The following EML1 variants were observed in gnomAD, a reference collection of about 807,000 sequenced individuals.
EML1 encodes echinoderm microtubule-associated protein-like 1.
Under a neutral mutation model 110.4 loss-of-function variants are expected in EML1, and 27 were observed. That is an observed-to-expected ratio of 0.24 (90% CI 0.18 to 0.34). The LOEUF (loss-of-function observed/expected upper bound fraction) is 0.34, where lower values mean the gene tolerates loss of function less well. EML1 is among the 10% of genes least tolerant of loss of function. EML1 has a pLI of 1.00. For synonymous variants in EML1, 344 were observed against 385.8 expected, an observed-to-expected ratio of 0.89 and a Z score of 1.27; for missense variants, 741 against 1,030.9, an observed-to-expected ratio of 0.72 and a Z score of 3.85.
At chr14:99,773,016 G>A (rs2057442455) in exon 1 of EML1, 1 of 152,166 alleles carries the variant, frequency 6.6e-6, no homozygotes, top group Non-Finnish European at 1.5e-5. Context: ...CATCCCCACA[G>A]ATAGGTTCCT....
chr14:99,860,694 A>G (rs540328183), intron 2 of EML1, among the ~76,000 whole-genome samples: 95 of 152,196 alleles, frequency 6.2e-4, no homozygotes, highest in Non-Finnish European at 1.3e-3. Context: ...GGTTACAAAA[A>G]CCCAAGGATG....
chr14:99,850,553 G>T (rs1216341253), intron 1 of EML1, among the ~76,000 whole-genome samples: 1 of 152,098 alleles, frequency 6.6e-6, no homozygotes, highest in East Asian at 1.9e-4. Flanking sequence ...CACTGCTAAG[G>T]TTCTCCGGTA....
rs755251254 is a variant in EML1, at chr14:99,936,321, C to A, written c.2082C>A (p.Tyr694Ter). The A allele has an allele frequency of 1.2e-6, 2 of 1,613,268 alleles. No homozygotes were observed. The highest frequency in any genetic ancestry group is 1.7e-6 in the Non-Finnish European group (2 of 1,179,950). ...TCCTCGTGTCAAATTCCGGAGACTA[C>A]GAAATCCTCTACTGTGAGTACCACC... ...SQFLVSNSGDYEILYWVPSAC... is the reference protein window; with the variant it reads ...SQFLVSNSGD The change falls in exon 19 of 22, where the codon TAC (tyrosine) becomes TAA (stop). Residue 694 changes from tyrosine (Y) to a stop codon, truncating the protein, a stop_gained. Transcript: ENST00000262233. LOFTEE classifies it high-confidence loss of function. This position sits in a 1 kb window ranked among gnomAD's most constrained non-coding sequence, Gnocchi z 5.5.
intron 17 of EML1, among the ~76,000 whole-genome samples, chr14:99,934,919 T>C (rs2060440907): frequency 6.6e-6 from 1 of 152,144 alleles, no homozygotes; most frequent in African/African-American, 2.4e-5. Context: ...CACACAAGCA[T>C]CGCAGCCTGG....
chr14:99,766,945 C>T (rs191082308), intron 1 of EML1, among the ~76,000 whole-genome samples: 34 of 152,246 alleles, frequency 2.2e-4, no homozygotes, highest in Admixed American at 1.2e-3. Flanking sequence ...GGAGTGTTGG[C>T]TTTGAAAATG....
At chr14:99,777,716 G>A (rs192188237) in intron 1 of EML1, among the ~76,000 whole-genome samples, 10 of 152,282 alleles carry the variant, frequency 6.6e-5, no homozygotes, top group Admixed American at 3.9e-4. Context: ...CACCACGCCC[G>A]CTGCCTTTAC....
chr14:99,898,981 T>C (rs2059716149), intron 8 of EML1, among the ~76,000 whole-genome samples: 1 of 152,220 alleles, frequency 6.6e-6, no homozygotes, highest in Non-Finnish European at 1.5e-5. Flanking sequence ...CCCTCTGCCC[T>C]GTCCTGTGAA....
At position 99,843,860 on chromosome 14, in the gene EML1, T is replaced by G. The variant is rs530595957; in HGVS notation, c.68-6993T>G. 1.2e-4 allele frequency among the ~76,000 whole-genome samples: 19 copies of G among 152,318 alleles called. 1 individual carries two copies. In the South Asian group the frequency reaches 3.9e-3, roughly 32 times the overall value. ...GTTACACCAACCTGACTCTGCCTTC[T>G]TTTATTCACACATTAGAAGATTTCA... On this transcript the variant is annotated intron_variant, in intron 1 of 21. Coordinates refer to ENST00000262233, the MANE Select transcript of EML1 (RefSeq NM_004434.3).
intron 3 of EML1, chr14:99,874,988 G>A: frequency 6.2e-7 from 1 of 1,613,314 alleles, no homozygotes; most frequent in East Asian, 2.2e-5. Flanking sequence ...CGACACCAAG[G>A]TGAGGGGAAC....
rs752157797 is a variant in EML1, at chr14:99,910,215, A to G, written c.1240-27A>G. The G allele has an allele frequency of 2.3e-5, 34 of 1,449,396 alleles. 1 individual carries two copies. The highest frequency in any genetic ancestry group is 2.2e-4 in the African/African-American group (15 of 69,116). The allele number at this position is 1,449,396 out of a possible 1,614,324, so 89.8% of individuals were successfully genotyped here. Reference sequence around the variant, plus strand: ...TATATGTTGTATGGATTAAATATATATATAATTTTTTTACTACATTCTACA... The same window carrying G: ...TATATGTTGTATGGATTAAATATATGTATAATTTTTTTACTACATTCTACA... On this transcript the variant is annotated intron_variant, in intron 11 of 21. Coordinates refer to ENST00000262233, the MANE Select transcript of EML1 (RefSeq NM_004434.3).
intron 2 of EML1, among the ~76,000 whole-genome samples, chr14:99,858,121 C>T (rs1335024149): frequency 6.6e-6 from 1 of 151,300 alleles, no homozygotes; most frequent in Non-Finnish European, 1.5e-5. Flanking sequence ...GAACCTTGCT[C>T]TTTTTACTTA....
At chr14:99,815,705 A>G (rs2058156202) in intron 1 of EML1, among the ~76,000 whole-genome samples, 1 of 152,208 alleles carries the variant, frequency 6.6e-6, no homozygotes, top group Non-Finnish European at 1.5e-5. Context: ...AGATTAGTAG[A>G]ATTAGGAAAA....
At chr14:99,896,534 G>A (rs2059673797) in intron 6 of EML1, among the ~76,000 whole-genome samples, 1 of 152,074 alleles carries the variant, frequency 6.6e-6, no homozygotes, top group African/African-American at 2.4e-5. Context: ...CCTACTTCCT[G>A]TTCATATTTT....
intron 17 of EML1, among the ~76,000 whole-genome samples, chr14:99,922,080 C>T (rs2060140049): frequency 1.3e-5 from 2 of 152,098 alleles, no homozygotes; most frequent in African/African-American, 4.8e-5. Context: ...CAGAGCAGTA[C>T]TATATTCCTT....
upstream of EML1, among the ~76,000 whole-genome samples, chr14:99,789,624 GGC>G (rs2057639844): frequency 6.6e-6 from 1 of 152,180 alleles, no homozygotes; most frequent in Non-Finnish European, 1.5e-5. Flanking sequence ...CATAGGGCCT[GGC>G]ACTGTGTAAC....
upstream of EML1, chr14:99,792,784 C>T (rs1431896347): frequency 6.6e-6 from 1 of 152,340 alleles, no homozygotes. Context: ...GCTGACTTGC[C>T]AGTCCCGTGC....
At chr14:99,873,237 G>A (rs1459037236) in intron 3 of EML1, among the ~76,000 whole-genome samples, 1 of 152,124 alleles carries the variant, frequency 6.6e-6, no homozygotes, top group Non-Finnish European at 1.5e-5. Flanking sequence ...GAACAAAACT[G>A]GTACAAAAAG....
intron 2 of EML1, among the ~76,000 whole-genome samples, chr14:99,858,241 A>G (rs888587577): frequency 2.0e-5 from 3 of 149,994 alleles, no homozygotes; most frequent in African/African-American, 4.9e-5. Flanking sequence ...CTGGAGTACA[A>G]TGGTGCGATC....
chr14:99,788,463 G>A (rs1290854957), upstream of EML1, among the ~76,000 whole-genome samples: 1 of 152,094 alleles, frequency 6.6e-6, no homozygotes, highest in African/African-American at 2.4e-5. Context: ...ATACACAACA[G>A]CCAGGCATGG....
Sources: gnomAD v4.1 joint callset for allele counts (sites outside exome capture counted in the v4.1 genomes callset) on GRCh38, gnomAD v4.1.1 for gene constraint, Gnocchi (gnomAD v3.1) non-coding constraint, MANE v1.5 for transcripts, NCBI Gene and HGNC (gene_info 2026-07-23, HGNC 2026-07-21) for gene names.